Variants in CRADD observed in about 807,000 individuals in gnomAD.
CRADD encodes the protein CARD and death domain containing adaptor protein.
CRADD carries 9 observed loss-of-function variants against 15.5 expected under a neutral mutation model. The observed-to-expected ratio is 0.58, with a 90% confidence interval of 0.35 to 1.01. The LOEUF is 1.01. Ranked by LOEUF, CRADD falls within the 50% of genes least tolerant of loss-of-function variation. The pLI is 0.02. For missense variants in CRADD, 227 were observed against 250.3 expected (o/e 0.91, Z 0.63); for synonymous variants, 118 against 107.6 (o/e 1.10, Z -0.60).
chr12:93,758,273 G>A (rs892041756), intron 2 of CRADD, among the ~76,000 whole-genome samples: 1 of 152,132 alleles, frequency 6.6e-6, no homozygotes, highest in African/African-American at 2.4e-5. Context: ...CAGAACACAT[G>A]TTTAACAATG....
At chr12:93,738,782 ACT>A (rs1252084040) in intron 2 of CRADD, 1 of 225,410 alleles carries the variant, frequency 4.4e-6, no homozygotes, top group Admixed American at 5.8e-5. Context: ...TAAGTCACAA[ACT>A]CTGACTAGAA....
chr12:93,725,546 C>T (rs1406938022), intron 2 of CRADD, among the ~76,000 whole-genome samples: 1 of 151,972 alleles, frequency 6.6e-6, no homozygotes, highest in Non-Finnish European at 1.5e-5. Context: ...TTGGGAAATG[C>T]TGCTGGTGGT....
chr12:93,850,530 T>C lies in CRADD; in HGVS notation c.*259T>C, dbSNP rs1958206686. ...GTTGTAATTGTTCAGTTTTTAAATG[T>C]GTAATGGCATTTTAATAGACTAGTA... On this transcript the variant is annotated 3_prime_UTR_variant, in exon 3 of 3. Transcript: ENST00000332896. The surrounding 1 kb of genome is among the most constrained non-coding windows in gnomAD (Gnocchi z 4.0). 8.5e-7 allele frequency: 1 copy of C among 1,175,412 alleles called. No individual in the cohort carries two copies. Among genetic ancestry groups the C allele is most frequent in the South Asian group, 2.9e-5 (1 of 34,694 alleles). 72.8% of individuals were successfully genotyped at this position (1,175,412 alleles called of 1,614,324 possible). A position where few individuals can be genotyped will look rare whatever the true frequency, so the allele number is the denominator to read the frequency against.
chr12:93,691,838 A>G (rs548016445), intron 2 of CRADD, among the ~76,000 whole-genome samples: 7 of 152,322 alleles, frequency 4.6e-5, no homozygotes, highest in African/African-American at 1.7e-4. Context: ...GCATGAAGTC[A>G]GAAAAGTAAT....
chr12:93,887,499 T>C (rs576319743), intron 2 of CRADD, among the ~76,000 whole-genome samples: 4 of 152,372 alleles, frequency 2.6e-5, no homozygotes, highest in Admixed American at 2.0e-4. Context: ...AAGGAGACTG[T>C]GTTTCACAAC....
chr12:93,732,914 A>G (rs1956491147), intron 2 of CRADD, among the ~76,000 whole-genome samples: 1 of 152,194 alleles, frequency 6.6e-6, no homozygotes, highest in African/African-American at 2.4e-5. Flanking sequence ...AGTGTAATGG[A>G]AAGAATGCAC....
chr12:93,770,704 C>T (rs1957078004), intron 2 of CRADD, among the ~76,000 whole-genome samples: 1 of 152,190 alleles, frequency 6.6e-6, no homozygotes, highest in African/African-American at 2.4e-5. Context: ...ATTACTGTAG[C>T]TTAGTAGACT....
rs748062349 is a variant in CRADD at position 93,850,061 on chromosome 12, G to GT, written c.391dup (p.Trp131LeufsTer19). On this transcript the variant is annotated frameshift_variant, in exon 3 of 3. Coordinates refer to ENST00000332896, the MANE Select transcript of CRADD (RefSeq NM_003805.5). LOFTEE classifies it high-confidence loss of function. The surrounding 1 kb of genome is among the most constrained non-coding windows in gnomAD (Gnocchi z 4.0). ...AGCTGGCCCAGAGGCTGGGCCCTGA[G>GT]TGGGAGCCCATGGTGCTGTCTCTGG... 1 of 1,612,446 alleles carries GT rather than the reference G, an allele frequency of 6.2e-7. No homozygotes were observed. Among genetic ancestry groups the GT allele is most frequent in the South Asian group, 1.1e-5 (1 of 91,064 alleles).
chr12:93,888,232 T>G (rs2137077780), intron 2 of CRADD, among the ~76,000 whole-genome samples: 1 of 152,240 alleles, frequency 6.6e-6, no homozygotes, highest in East Asian at 1.9e-4. Context: ...GAGACCATCA[T>G]AGCTAACACG....
chr12:93,843,803 C>T (rs973537068), intron 2 of CRADD, among the ~76,000 whole-genome samples: 9 of 152,104 alleles, frequency 5.9e-5, no homozygotes, highest in South Asian at 2.1e-4. Context: ...TCACTGCAAC[C>T]TCTGCCTCCC....
intron 2 of CRADD, among the ~76,000 whole-genome samples, chr12:93,746,451 G>A (rs985198501): frequency 1.1e-4 from 16 of 152,152 alleles, no homozygotes; most frequent in African/African-American, 7.2e-5. Flanking sequence ...CATTCTTTCC[G>A]GAAGTTGGAC....
chr12:93,867,939 A>G (rs973565269), intron 2 of CRADD, among the ~76,000 whole-genome samples: 3 of 152,202 alleles, frequency 2.0e-5, no homozygotes, highest in African/African-American at 7.2e-5. Flanking sequence ...AGAACAGCAA[A>G]AGAGGACTTG....
At chr12:93,815,175 T>G (rs1296765697) in intron 2 of CRADD, 1 of 152,236 alleles carries the variant, frequency 6.6e-6, no homozygotes, top group Non-Finnish European at 1.5e-5. Context: ...CGACTATGTT[T>G]TCTATATAAA....
At chr12:93,711,055 C>CCCCCCCCCTT in intron 2 of CRADD, among the ~76,000 whole-genome samples, 7 of 43,504 alleles carry the variant, frequency 1.6e-4, no homozygotes, top group East Asian at 1.0e-3. Flanking sequence ...CCACCCCCGC[C>CCCCCCCCCTT]TTTTTTTTTT....
chr12:93,699,831 A>G (rs1476910232), intron 2 of CRADD, among the ~76,000 whole-genome samples: 1 of 152,222 alleles, frequency 6.6e-6, no homozygotes, highest in Admixed American at 6.5e-5. Context: ...GCATTCCATC[A>G]GAAATAGAAG....
At chr12:93,864,385 C>T (rs1458598768) in intron 2 of CRADD, among the ~76,000 whole-genome samples, 1 of 152,164 alleles carries the variant, frequency 6.6e-6, no homozygotes, top group Non-Finnish European at 1.5e-5. Context: ...ATATTAGCCC[C>T]ACACACATTT....
At chr12:93,806,451 CAAA>C (rs59372325) in intron 2 of CRADD, among the ~76,000 whole-genome samples, 16,375 of 58,102 alleles carry the variant, frequency 0.28, 721 homozygotes, top group Admixed American at 0.4. Flanking sequence ...GACTCCATCT[CAAA>C]AAAAAAAAAA....
intron 2 of CRADD, among the ~76,000 whole-genome samples, chr12:93,704,638 T>C (rs967969029): frequency 5.9e-5 from 9 of 152,192 alleles, no homozygotes; most frequent in African/African-American, 2.2e-4. Flanking sequence ...CTTTTAAAAA[T>C]AGAAATCAGA....
At chr12:93,869,655 C>T (rs543832458) in intron 2 of CRADD, among the ~76,000 whole-genome samples, 1 of 152,062 alleles carries the variant, frequency 6.6e-6, no homozygotes, top group South Asian at 2.1e-4. Context: ...ATGAAAAATA[C>T]AATACCTGAA....
Sources: allele counts gnomAD v4.1 joint callset (sites outside exome capture counted in the v4.1 genomes callset), GRCh38; gene constraint gnomAD v4.1.1; non-coding constraint Gnocchi (gnomAD v3.1); transcripts MANE v1.5; gene names NCBI Gene and HGNC (gene_info 2026-07-23, HGNC 2026-07-21).